NMNAT2: variants seen among roughly 807,000 people sequenced by gnomAD.
The protein encoded by NMNAT2 is nicotinamide/nicotinic acid mononucleotide adenylyltransferase 2.
NMNAT2 carries 11 observed loss-of-function variants against 41.6 expected under a neutral mutation model. That is an observed-to-expected ratio of 0.26 (90% CI 0.17 to 0.44). The LOEUF (loss-of-function observed/expected upper bound fraction) is 0.44, where lower values mean the gene tolerates loss of function less well. Ranked by LOEUF, NMNAT2 falls within the 20% of genes least tolerant of loss-of-function variation. NMNAT2 has a pLI of 1.00. For synonymous variants in NMNAT2, 148 were observed against 151.2 expected (o/e 0.98, Z 0.16); for missense variants, 288 against 407.7 (o/e 0.71, Z 2.53).
chr1:183,319,391 G>A (rs61811585), intron 1 of NMNAT2, among the ~76,000 whole-genome samples: 3,279 of 152,346 alleles, frequency 0.022, 57 homozygotes, highest in Non-Finnish European at 0.031. Context: ...CCAAGCAGTT[G>A]TAAAGTTTAA....
chr1:183,293,740 TC>T lies in NMNAT2; in HGVS notation c.138del (p.Ile47LeufsTer60). 6.2e-7 allele frequency: 1 copy of T among 1,613,900 alleles called. No homozygotes were observed. The highest frequency in any genetic ancestry group is 8.5e-7 in the Non-Finnish European group (1 of 1,179,944). On this transcript the variant is annotated frameshift_variant, in exon 2 of 11. Transcript: ENST00000287713. LOFTEE classifies it high-confidence loss of function. ...TAGGAGTCGTGGACAGGGGAGACAA[TC>T]CCGCCAATCACAATAAACCTTCCAG... is the stretch of plus-strand genomic sequence containing the variant. ...HKTGRFIVIG[G>X]IVSPVHDSYG...
intron 1 of NMNAT2, among the ~76,000 whole-genome samples, chr1:183,371,050 T>C (rs1663528091): frequency 6.6e-6 from 1 of 152,070 alleles, no homozygotes; most frequent in African/African-American, 2.4e-5. Context: ...TATTTCAGAA[T>C]GGATTCCCCC....
At chr1:183,401,983 T>C (rs529846855) in intron 1 of NMNAT2, among the ~76,000 whole-genome samples, 82 of 151,898 alleles carry the variant, frequency 5.4e-4, no homozygotes, top group African/African-American at 1.9e-3. Flanking sequence ...GACGAGTTAA[T>C]GGGTGCAGCA....
chr1:183,294,844 G>A (rs1275088830), intron 1 of NMNAT2, among the ~76,000 whole-genome samples: 1 of 152,120 alleles, frequency 6.6e-6, no homozygotes, highest in Non-Finnish European at 1.5e-5. Flanking sequence ...TTATTCCACT[G>A]AGGAAAAATC....
chr1:183,263,296 G>C (rs943339916), intron 8 of NMNAT2, among the ~76,000 whole-genome samples: 2 of 152,162 alleles, frequency 1.3e-5, no homozygotes, highest in African/African-American at 4.8e-5. Flanking sequence ...TGCATCTATT[G>C]GTGGTGTTCA....
intron 1 of NMNAT2, among the ~76,000 whole-genome samples, chr1:183,318,309 G>A (rs983747920): frequency 6.6e-6 from 1 of 152,182 alleles, no homozygotes; most frequent in African/African-American, 2.4e-5. Context: ...CTGTCTGCAG[G>A]CTACAGTCTG....
At chr1:183,272,797 A>C (rs1446292938) in intron 8 of NMNAT2, among the ~76,000 whole-genome samples, 1 of 152,110 alleles carries the variant, frequency 6.6e-6, no homozygotes, top group Non-Finnish European at 1.5e-5. Context: ...TTCTCCCCAG[A>C]CCCATTTGAA....
intron 1 of NMNAT2, among the ~76,000 whole-genome samples, chr1:183,414,552 A>G (rs1002540126): frequency 2.0e-5 from 3 of 152,232 alleles, no homozygotes; most frequent in Admixed American, 2.0e-4. Context: ...AATGAGGCAG[A>G]CCCATGAGAT....
chr1:183,267,745 C>T (rs1389261868), intron 8 of NMNAT2, among the ~76,000 whole-genome samples: 1 of 152,126 alleles, frequency 6.6e-6, no homozygotes, highest in Admixed American at 6.5e-5. Flanking sequence ...ACCAGCACCT[C>T]CTGTCTTCAT....
At chr1:183,412,819 G>C (rs1260474002) in intron 1 of NMNAT2, among the ~76,000 whole-genome samples, 2 of 152,172 alleles carry the variant, frequency 1.3e-5, no homozygotes, top group African/African-American at 4.8e-5. Context: ...CTTATCTAGG[G>C]AATATGCTTT....
At chr1:183,402,975 T>C (rs1359204360) in intron 1 of NMNAT2, among the ~76,000 whole-genome samples, 8 of 135,930 alleles carry the variant, frequency 5.9e-5, no homozygotes, top group Admixed American at 2.3e-4. Context: ...TTTTTTTTTT[T>C]CTGAGGTGGG....
At chr1:183,361,981 A>T (rs987496695) in intron 1 of NMNAT2, among the ~76,000 whole-genome samples, 5 of 152,198 alleles carry the variant, frequency 3.3e-5, no homozygotes, top group African/African-American at 1.2e-4. Flanking sequence ...TCTTTTGCCC[A>T]TGCTGGAGTG....
At chr1:183,357,353 C>G (rs147841172) in intron 1 of NMNAT2, among the ~76,000 whole-genome samples, 5,633 of 151,528 alleles carry the variant, frequency 0.037, 227 homozygotes, top group South Asian at 0.17. Context: ...CCTCAGCCTC[C>G]CGAGTAGCTG....
chr1:183,265,258 C>CTTTTTTTTTTTTTTTT (rs67117635), intron 8 of NMNAT2, among the ~76,000 whole-genome samples: 2 of 64,568 alleles, frequency 3.1e-5, no homozygotes, highest in Non-Finnish European at 2.7e-5. Context: ...TCTTCTTCTT[C>CTTTTTTTTTTTTTTTT]TTTTTTTTTT....
intron 1 of NMNAT2, among the ~76,000 whole-genome samples, chr1:183,297,532 G>A (rs1376840753): frequency 6.6e-6 from 1 of 151,980 alleles, no homozygotes; most frequent in Non-Finnish European, 1.5e-5. Flanking sequence ...ACAGGGATGT[G>A]CCACCATCCC....
At chr1:183,405,139 G>A (rs1379825882) in intron 1 of NMNAT2, among the ~76,000 whole-genome samples, 2 of 152,134 alleles carry the variant, frequency 1.3e-5, no homozygotes. Context: ...AGGATCACGT[G>A]AGCCCAGGAG....
At chr1:183,368,931 T>C (rs1024458322) in intron 1 of NMNAT2, among the ~76,000 whole-genome samples, 7 of 152,212 alleles carry the variant, frequency 4.6e-5, no homozygotes, top group Non-Finnish European at 7.3e-5. Context: ...CTGCTCAACA[T>C]GGGCAGGGAG....
intron 8 of NMNAT2, among the ~76,000 whole-genome samples, chr1:183,274,780 AG>A (rs377429003): frequency 6.6e-6 from 1 of 151,408 alleles, no homozygotes; most frequent in Non-Finnish European, 1.5e-5. Context: ...AAAAAAAAAA[AG>A]AAAAAAAAGA....
intron 1 of NMNAT2, among the ~76,000 whole-genome samples, chr1:183,316,785 C>T (rs546022125): frequency 1.3e-5 from 2 of 152,324 alleles, no homozygotes; most frequent in African/African-American, 4.8e-5. Context: ...CAGAGCTTGC[C>T]ATAGGGAATA....
Sources: gnomAD v4.1 joint callset for allele counts (sites outside exome capture counted in the v4.1 genomes callset) on GRCh38, gnomAD v4.1.1 for gene constraint, MANE v1.5 for transcripts, NCBI Gene and HGNC (gene_info 2026-07-23, HGNC 2026-07-21) for gene names.